The following PTPRN2 variants were observed in gnomAD, a reference collection of about 807,000 sequenced individuals.
PTPRN2 encodes the protein receptor-type tyrosine-protein phosphatase N2.
PTPRN2 carries 74 observed loss-of-function variants against 118.8 expected under a neutral mutation model. The observed-to-expected ratio is 0.62, with a 90% CI of 0.52 to 0.76. The LOEUF is 0.76. Ranked by LOEUF, PTPRN2 falls within the 30% of genes least tolerant of loss-of-function variation. The pLI, the probability that PTPRN2 is intolerant of heterozygous loss-of-function variation, is 0.00. For missense variants in PTPRN2, 1,481 were observed against 1,394.4 expected, an observed-to-expected ratio of 1.06 and a Z score of -0.99; for synonymous variants, 641 against 608.0, an observed-to-expected ratio of 1.05 and a Z score of -0.80.
chr7:157,999,737 G>T (rs546001253), intron 11 of PTPRN2, among the ~76,000 whole-genome samples: 2 of 152,292 alleles, frequency 1.3e-5, no homozygotes, highest in South Asian at 2.1e-4. Context: ...GGGGGTGTGG[G>T]TCTGAGACTT....
chr7:157,593,357 C>G (rs1001743101), intron 17 of PTPRN2, among the ~76,000 whole-genome samples: 1 of 152,136 alleles, frequency 6.6e-6, no homozygotes, highest in South Asian at 2.1e-4. Context: ...AGTGTGGATG[C>G]CCTCCAGACC....
chr7:158,512,447 G>A (rs1473627953), intron 1 of PTPRN2, among the ~76,000 whole-genome samples: 1 of 152,162 alleles, frequency 6.6e-6, no homozygotes, highest in Non-Finnish European at 1.5e-5. Flanking sequence ...GTGAATAAGA[G>A]CTCATGGTTA....
rs750594012 is a variant in PTPRN2, at chr7:158,544,492, G to A, written c.112+43066C>T. On this transcript the variant is annotated intron_variant, in intron 1 of 22. Coordinates refer to ENST00000389418, the MANE Select transcript of PTPRN2 (RefSeq NM_002847.5). This position sits in a 1 kb window ranked among gnomAD's most constrained non-coding sequence, Gnocchi z 4.2. ...CTCTAATAAAAATACAAAAAAATTA[G>A]CCTGGTGTGGTGGCACATGCCTGTA... Among the ~76,000 whole-genome samples the A allele has an allele frequency of 6.6e-6, 1 of 152,066 alleles. No individual in the cohort carries two copies.
chr7:157,811,245 T>C (rs1310712966), intron 12 of PTPRN2, among the ~76,000 whole-genome samples: 3 of 146,734 alleles, frequency 2.0e-5, no homozygotes, highest in Non-Finnish European at 3.0e-5. Flanking sequence ...TACCCCAGCC[T>C]GGATGACAGA....
intron 2 of PTPRN2, among the ~76,000 whole-genome samples, chr7:158,396,456 C>T (rs536517226): frequency 2.7e-5 from 4 of 149,132 alleles, no homozygotes; most frequent in South Asian, 2.1e-4. Context: ...CGTGTGTGCA[C>T]GCGTGTACAT....
chr7:158,330,779 C>T (rs1434150794), intron 2 of PTPRN2, among the ~76,000 whole-genome samples: 2 of 113,444 alleles, frequency 1.8e-5, no homozygotes, highest in East Asian at 2.7e-4. Flanking sequence ...CACCCGCAGA[C>T]GTCACTCACA....
chr7:157,914,531 C>T (rs1030604888), intron 11 of PTPRN2, among the ~76,000 whole-genome samples: 19 of 151,850 alleles, frequency 1.3e-4, no homozygotes, highest in Non-Finnish European at 2.4e-4. Flanking sequence ...AGATGATCCT[C>T]GATGGTGATA....
chr7:157,802,086 C>T (rs75092062), intron 12 of PTPRN2, among the ~76,000 whole-genome samples: 2,148 of 152,298 alleles, frequency 0.014, 57 homozygotes, highest in African/African-American at 0.049. Context: ...ACTTCACTTC[C>T]GTGTGCTAAG....
At chr7:158,155,733 TCATC>T (rs1821743809) in intron 6 of PTPRN2, among the ~76,000 whole-genome samples, 1 of 46,344 alleles carries the variant, frequency 2.2e-5, no homozygotes, top group African/African-American at 1.3e-4. Context: ...ACCATCACCA[TCATC>T]ACCATCATCA....
At position 157,785,501 on chromosome 7, in the gene PTPRN2, T is replaced by TCC. The variant is rs1803977863; in HGVS notation, c.1789-102566_1789-102565dup. ...TAGAGCCAGCACTCGCGGGCAGGCC[T>TCC]CCCCAGGACCAGAGCGCCTGCGACC... On this transcript the variant is annotated intron_variant, in intron 12 of 22. Coordinates refer to ENST00000389418, the MANE Select transcript of PTPRN2 (RefSeq NM_002847.5). The surrounding 1 kb of genome is among the most constrained non-coding windows in gnomAD (Gnocchi z 7.3). Among the ~76,000 whole-genome samples, 1 of 152,056 alleles carries TCC rather than the reference T, an allele frequency of 6.6e-6. No homozygotes were observed. The highest frequency in any genetic ancestry group is 2.4e-5 in the African/African-American group (1 of 41,412).
intron 2 of PTPRN2, among the ~76,000 whole-genome samples, chr7:158,332,702 A>T (rs1312775212): frequency 7.4e-5 from 11 of 148,966 alleles, no homozygotes; most frequent in Non-Finnish European, 1.2e-4. Flanking sequence ...AAGAGTTGAC[A>T]CCTGCAGATG....
intron 11 of PTPRN2, among the ~76,000 whole-genome samples, chr7:157,982,867 C>T (rs1454104249): frequency 7.2e-6 from 1 of 138,960 alleles, no homozygotes; most frequent in Non-Finnish European, 1.6e-5. Flanking sequence ...ATGCAGAGTA[C>T]CGGGTTCCCC....
Position 157,619,988 on chromosome 7 carries a change from C to A in PTPRN2, c.2344+1374G>T, listed in dbSNP as rs1803051182. On this transcript the variant is annotated intron_variant, in intron 15 of 22. Transcript: ENST00000389418. The surrounding 1 kb of genome is among the most constrained non-coding windows in gnomAD (Gnocchi z 5.3). The stretch of plus-strand genomic sequence containing the variant: ...GATGCTGAGCTGAAAGTGAGTGTGG[C>A]CGAGTGGTGCTCTCGAAGTGTGAGC... Among the ~76,000 whole-genome samples the A allele has an allele frequency of 1.3e-5, 2 of 152,190 alleles. No individual in the cohort carries two copies. The highest frequency in any genetic ancestry group is 4.8e-5 in the African/African-American group (2 of 41,444).
chr7:157,724,170 C>A (rs1013783433), intron 12 of PTPRN2, among the ~76,000 whole-genome samples: 1 of 151,632 alleles, frequency 6.6e-6, no homozygotes, highest in Non-Finnish European at 1.5e-5. Context: ...CTGAATTGTG[C>A]TGGTGTGGGT....
At chr7:158,162,677 C>T (rs550364286) in intron 6 of PTPRN2, among the ~76,000 whole-genome samples, 1 of 69,204 alleles carries the variant, frequency 1.4e-5, no homozygotes, top group South Asian at 4.5e-4. Flanking sequence ...CGTCACCCCA[C>T]CTTAGATAGG....
chr7:158,445,090 C>T (rs1005314688), intron 2 of PTPRN2, among the ~76,000 whole-genome samples: 2 of 152,180 alleles, frequency 1.3e-5, no homozygotes, highest in Admixed American at 6.5e-5. Flanking sequence ...GCTGGATGCC[C>T]TTCACCCTCG....
At position 157,667,274 on chromosome 7, in the gene PTPRN2, CGG is replaced by C. The variant is rs1563324294; in HGVS notation, c.2002-10725_2002-10724del. On this transcript the variant is annotated intron_variant, in intron 13 of 22. Coordinates refer to ENST00000389418, the MANE Select transcript of PTPRN2 (RefSeq NM_002847.5). ...GAGTACACAGCCTGGCTTGCACACTCGGCCCGTGGGACACTGATCTCAGGTGG... is the reference window on the plus strand; with the variant it reads ...GAGTACACAGCCTGGCTTGCACACTCCCCGTGGGACACTGATCTCAGGTGG... Among the ~76,000 whole-genome samples, 114 of 134,118 alleles carry C rather than the reference CGG, an allele frequency of 8.5e-4. 5 individuals carry two copies. Among genetic ancestry groups the C allele is most frequent in the African/African-American group, 3.0e-3 (106 of 35,742 alleles). The allele number at this position is 134,118 out of a possible 152,430, so 88.0% of individuals were successfully genotyped here.
At chr7:157,581,972 C>T (rs940306794) in intron 17 of PTPRN2, among the ~76,000 whole-genome samples, 19 of 152,212 alleles carry the variant, frequency 1.2e-4, no homozygotes, top group African/African-American at 4.3e-4. Context: ...CAGGCGGCCA[C>T]GGGACACTGC....
intron 1 of PTPRN2, chr7:158,539,676 C>T (rs186197668): frequency 5.2e-4 from 126 of 243,398 alleles, no homozygotes; most frequent in Non-Finnish European, 8.9e-4. Context: ...CGCCGAGTCC[C>T]GGGTCCTGAG....
Sources: allele counts gnomAD v4.1 joint callset (sites outside exome capture counted in the v4.1 genomes callset), GRCh38; gene constraint gnomAD v4.1.1; non-coding constraint Gnocchi (gnomAD v3.1); transcripts MANE v1.5; gene names NCBI Gene and HGNC (gene_info 2026-07-23, HGNC 2026-07-21).